Variants in SIRT2 observed in about 807,000 individuals in gnomAD.
SIRT2 encodes NAD-dependent protein deacetylase sirtuin-2.
Under a neutral mutation model 57.4 loss-of-function variants are expected in SIRT2, and 40 were observed. The ratio of observed to expected loss-of-function variants is 0.70; its 90% CI spans 0.54 to 0.91. SIRT2 has a LOEUF of 0.91. Among genes scored for constraint, SIRT2 ranks in the 40% least tolerant of loss-of-function variants. The probability of loss-of-function intolerance (pLI) is 0.00; values close to 1 mark genes in which losing one functional copy is unlikely to be tolerated. For synonymous variants in SIRT2, 161 were observed against 195.7 expected (o/e 0.82, Z 1.48); for missense variants, 439 against 510.4 (o/e 0.86, Z 1.35).
At chr19:38,881,216 G>T in intron 10 of SIRT2, 61 bp from the exon 11 acceptor site, 1 of 1,536,392 alleles carries the variant, frequency 6.5e-7, no homozygotes, top group South Asian at 1.2e-5. Context: ...GAGGACAGGT[G>T]GGAGCAATGG....
At position 38,883,672 on chromosome 19, in the gene SIRT2, C is replaced by T. The variant is rs200616294; in HGVS notation, c.586G>A (p.Val196Ile). ...TATTCGTGCCGGCAGCTGGCGCTGA[C>T]GCAGTGTGATGTGTAGAAGGTGCCG... is the stretch of plus-strand genomic sequence containing the variant. The part of the protein sequence containing the change: ...AHGTFYTSHC[V>I]SASCRHEYPL... The change falls in exon 9 of 16, where the codon GTC (valine) becomes ATC (isoleucine). Residue 196 changes from valine (V) to isoleucine (I), a missense_variant. Transcript: ENST00000249396. 1.6e-5 allele frequency: 26 copies of T among 1,614,022 alleles called. No homozygotes were observed. The highest frequency in any genetic ancestry group is 2.7e-5 in the African/African-American group (2 of 74,944).
intron 4 of SIRT2, chr19:38,890,698 GAA>G (rs58117317): frequency 0.16 from 18,533 of 119,322 alleles, 1,700 homozygotes; most frequent in East Asian, 0.4. Context: ...TCAAAAAAAG[GAA>G]AAAAAAAAAA....
chr19:38,882,024 A>G (rs1390503629), intron 9 of SIRT2, among the ~76,000 whole-genome samples: 1 of 150,230 alleles, frequency 6.7e-6, no homozygotes, highest in Non-Finnish European at 1.5e-5. Context: ...ACAGGTTCTC[A>G]CTCTGTTGCC....
chr19:38,895,575 G>C (rs903072827), intron 2 of SIRT2, among the ~76,000 whole-genome samples: 1 of 152,184 alleles, frequency 6.6e-6, no homozygotes, highest in African/African-American at 2.4e-5. Flanking sequence ...ACTGCTCTGC[G>C]TCCAAGTCTT....
intron 2 of SIRT2, 55 bp downstream of exon 2, chr19:38,898,324 G>C (rs1973795738): frequency 7.5e-7 from 1 of 1,333,350 alleles, no homozygotes; most frequent in Admixed American, 2.4e-5. Flanking sequence ...CCCCCAGTGT[G>C]GGATGTGGAA....
Position 38,890,006 on chromosome 19 carries a change from C to G in SIRT2, c.269-45G>C, listed in dbSNP as rs745718254. 12 of 1,610,656 alleles carry G rather than the reference C, an allele frequency of 7.5e-6. No individual in the cohort carries two copies. The Admixed American group carries it at 8.3e-5, about 11-fold the overall frequency. ...GAGCAGTTGGTCTATACCATACTAA[C>G]CCTCCCAGGACAGGGCTCAGATAGG... On this transcript the variant is annotated intron_variant, in intron 5 of 15. Coordinates refer to ENST00000249396, the MANE Select transcript of SIRT2 (RefSeq NM_012237.4).
At chr19:38,885,884 C>T (rs934105109) in intron 8 of SIRT2, among the ~76,000 whole-genome samples, 11 of 152,122 alleles carry the variant, frequency 7.2e-5, no homozygotes, top group African/African-American at 1.7e-4. Context: ...CCACTGCGCC[C>T]GGCCACTGTT....
Position 38,880,232 on chromosome 19 carries a change from C to A in SIRT2, c.876+453G>T. On this transcript the variant is annotated intron_variant, in intron 13 of 15. Coordinates refer to ENST00000249396, the MANE Select transcript of SIRT2 (RefSeq NM_012237.4). The surrounding 1 kb of genome is among the most constrained non-coding windows in gnomAD (Gnocchi z 4.1). ...GGGTTGTGGCGCCAGTGAGTTCACG[C>A]AGGCTAAGACTTGGGACAGTGTCTG... 5.4e-6 allele frequency: 1 copy of A among 186,852 alleles called. No homozygotes were observed. Among genetic ancestry groups the A allele is most frequent in the Non-Finnish European group, 1.1e-5 (1 of 89,922 alleles). 11.6% of individuals were successfully genotyped at this position (186,852 alleles called of 1,614,324 possible).
At chr19:38,886,892 G>T (rs968594959) in intron 8 of SIRT2, among the ~76,000 whole-genome samples, 1 of 151,968 alleles carries the variant, frequency 6.6e-6, no homozygotes, top group Non-Finnish European at 1.5e-5. Flanking sequence ...TTACAGACGT[G>T]AGCCACCGCG....
At position 38,880,266 on chromosome 19, in the gene SIRT2, G is replaced by A. The variant is rs1051519853; in HGVS notation, c.876+419C>T. On this transcript the variant is annotated intron_variant, in intron 13 of 15. Coordinates refer to ENST00000249396, the MANE Select transcript of SIRT2 (RefSeq NM_012237.4). This position sits in a 1 kb window ranked among gnomAD's most constrained non-coding sequence, Gnocchi z 4.1. ...ACTTGGGACAGTGTCTGCCCACAGC[G>A]TGCGCTGCTTGCCCGGTGACCCTGC... The A allele has an allele frequency of 9.9e-6, 2 of 201,490 alleles. No homozygotes were observed. Among genetic ancestry groups the A allele is most frequent in the South Asian group, 1.3e-4 (1 of 7,670 alleles). 12.5% of individuals were successfully genotyped at this position (201,490 alleles called of 1,614,324 possible).
intron 2 of SIRT2, chr19:38,895,023 C>A: frequency 2.3e-6 from 1 of 434,176 alleles, no homozygotes; most frequent in Non-Finnish European, 4.7e-6. Context: ...CATCTCAATG[C>A]GATCGTACTG....
chr19:38,891,405 C>T (rs1051358009), intron 4 of SIRT2, among the ~76,000 whole-genome samples: 7 of 152,020 alleles, frequency 4.6e-5, no homozygotes, highest in South Asian at 4.1e-4. Context: ...AAAAATTAGC[C>T]GGGCGTGGTG....
intron 8 of SIRT2, among the ~76,000 whole-genome samples, chr19:38,884,308 A>C (rs1308121141): frequency 2.0e-5 from 3 of 152,168 alleles, no homozygotes; most frequent in Non-Finnish European, 2.9e-5. Flanking sequence ...ATACATTTAC[A>C]ATGTCTCTGT....
chr19:38,889,184 C>A, intron 7 of SIRT2, 29 bp from the exon 8 acceptor site: 2 of 1,605,572 alleles, frequency 1.2e-6, no homozygotes, highest in Admixed American at 1.7e-5. Context: ...GCACTGCTGA[C>A]GACTGCAGGG....
At chr19:38,883,805 G>A in intron 8 of SIRT2, 49 bp from the exon 9 acceptor site, 1 of 1,603,150 alleles carries the variant, frequency 6.2e-7, no homozygotes. Context: ...GCCACCCCTT[G>A]TAGGCCAGAA....
rs559643454 is a variant in SIRT2, at chr19:38,890,232, C to T, written c.227-88G>A. ...CCATCACAGCCCCTGACATCGTTTA[C>T]TCCATGCCAGGCCCTGGGGCAAGCA... On this transcript the variant is annotated intron_variant, in intron 4 of 15. Coordinates refer to ENST00000249396, the MANE Select transcript of SIRT2 (RefSeq NM_012237.4). 9.5e-6 allele frequency: 13 copies of T among 1,370,616 alleles called. No individual in the cohort carries two copies. The African/African-American group carries it at 1.1e-4, about 12-fold the overall frequency. 84.9% of individuals were successfully genotyped at this position (1,370,616 alleles called of 1,614,324 possible).
intron 2 of SIRT2, among the ~76,000 whole-genome samples, chr19:38,898,060 C>T (rs1018455989): frequency 3.9e-5 from 6 of 152,322 alleles, no homozygotes; most frequent in African/African-American, 1.4e-4. Context: ...CACTTGTCCA[C>T]GAGATCTGTG....
rs34321258 is a variant in SIRT2 at position 38,883,666 on chromosome 19, C to T, written c.592G>A (p.Ala198Thr). 7.1e-4 allele frequency: 1,147 copies of T among 1,614,114 alleles called. 6 individuals carry two copies. The African/African-American group carries it at 0.013, about 18-fold the overall frequency. The part of the protein sequence containing the change: ...GTFYTSHCVS[A>T]SCRHEYPLSW... ...AGCGGGTATTCGTGCCGGCAGCTGGCGCTGACGCAGTGTGATGTGTAGAAG... is the reference window on the plus strand; with the variant it reads ...AGCGGGTATTCGTGCCGGCAGCTGGTGCTGACGCAGTGTGATGTGTAGAAG... Residue 198 changes from alanine to threonine, a missense_variant, in exon 9 of 16, where the codon GCC becomes ACC. Ala to Thr is a moderately conservative substitution (Grantham distance 58, BLOSUM62 0). Coordinates refer to ENST00000249396, the MANE Select transcript of SIRT2 (RefSeq NM_012237.4).
rs747020547 is a variant in SIRT2 at position 38,879,131 on chromosome 19, C to A, written c.*24G>T. ...GCTCAGCTGTCCCTGAGGAGCTCGG[C>A]ATCCCGCCTGGGAGATGCAGCTGTC... On this transcript the variant is annotated 3_prime_UTR_variant, in exon 16 of 16. Coordinates refer to ENST00000249396, the MANE Select transcript of SIRT2 (RefSeq NM_012237.4). 1.2e-5 allele frequency: 19 copies of A among 1,546,040 alleles called. No individual in the cohort carries two copies. Among genetic ancestry groups the A allele is most frequent in the Non-Finnish European group, 1.6e-5 (18 of 1,153,096 alleles).
Sources: allele counts gnomAD v4.1 joint callset (sites outside exome capture counted in the v4.1 genomes callset), GRCh38; gene constraint gnomAD v4.1.1; non-coding constraint Gnocchi (gnomAD v3.1); transcripts MANE v1.5; gene names NCBI Gene and HGNC (gene_info 2026-07-23, HGNC 2026-07-21).